WNK2: variants seen among roughly 807,000 people sequenced by gnomAD.
The protein encoded by WNK2 is WNK lysine deficient protein kinase 2.
In WNK2, 67 loss-of-function variants were observed where a neutral mutation model predicts 192.1. The ratio of observed to expected loss-of-function variants is 0.35; its 90% CI spans 0.29 to 0.43. The LOEUF is 0.43. WNK2 is among the 20% of genes least tolerant of loss of function. The pLI is 1.00. For missense variants in WNK2, 2,698 were observed against 3,089.7 expected (o/e 0.87, Z 3.01); for synonymous variants, 1,439 against 1,393.9 (o/e 1.03, Z -0.72).
chr9:93,300,235 A>G, intron 26 of WNK2, 86 bp downstream of exon 26: 2 of 1,026,720 alleles, frequency 1.9e-6, no homozygotes, highest in South Asian at 2.7e-5. Flanking sequence ...TACCTTTCAT[A>G]CATTTCATAG....
At chr9:93,305,722 C>T (rs912772534) in intron 26 of WNK2, among the ~76,000 whole-genome samples, 3 of 152,224 alleles carry the variant, frequency 2.0e-5, no homozygotes, top group Admixed American at 6.5e-5. Flanking sequence ...GGAAGGCAGA[C>T]GTTGCCAGGT....
chr9:93,259,861 C>T lies in WNK2; in HGVS notation c.3066+247C>T, dbSNP rs1199239700. 1.3e-5 allele frequency among the ~76,000 whole-genome samples: 2 copies of T among 152,362 alleles called. No individual in the cohort carries two copies. Among genetic ancestry groups the T allele is most frequent in the Admixed American group, 6.5e-5 (1 of 15,310 alleles). ...TGCCTGATAGGTTCTGTGTCCCTAC[C>T]TTCCCATGGCTCTGTGGCCCCTGCT... On this transcript the variant is annotated intron_variant, in intron 12 of 29. Transcript: ENST00000427277. The surrounding 1 kb of genome is among the most constrained non-coding windows in gnomAD (Gnocchi z 4.8).
intron 28 of WNK2, chr9:93,309,162 TC>T (rs1853183265): frequency 3.1e-6 from 3 of 980,038 alleles, no homozygotes; most frequent in East Asian, 1.1e-4. Flanking sequence ...GTTATTTCTA[TC>T]TCAAATATTT....
At chr9:93,312,912 T>G (rs1228438346) in intron 28 of WNK2, among the ~76,000 whole-genome samples, 2 of 152,216 alleles carry the variant, frequency 1.3e-5, no homozygotes, top group Admixed American at 6.5e-5. Flanking sequence ...CCTCTGCTCC[T>G]CACAGGATCA....
intron 2 of WNK2, among the ~76,000 whole-genome samples, chr9:93,198,181 A>G (rs1293154230): frequency 6.6e-6 from 1 of 152,194 alleles, no homozygotes; most frequent in African/African-American, 2.4e-5. Flanking sequence ...GGTGGACTGC[A>G]GGCTCCGGTG....
At position 93,259,658 on chromosome 9, in the gene WNK2, G is replaced by C. The variant is rs768518415; in HGVS notation, c.3066+44G>C. 12 of 1,460,598 alleles carry C rather than the reference G, an allele frequency of 8.2e-6. No homozygotes were observed. The highest frequency in any genetic ancestry group is 1.1e-5 in the Non-Finnish European group (12 of 1,104,324). The allele number at this position is 1,460,598 out of a possible 1,614,324, so 90.5% of individuals were successfully genotyped here. On this transcript the variant is annotated intron_variant, in intron 12 of 29. Transcript: ENST00000427277. This position sits in a 1 kb window ranked among gnomAD's most constrained non-coding sequence, Gnocchi z 4.8. ...GGGGCTCACCCTCCCAGCGTCTGGG[G>C]ACCCTCAGGACCCAGAGATGCAAAG... is the stretch of plus-strand genomic sequence containing the variant.
At chr9:93,291,592 C>G (rs1480156569) in intron 21 of WNK2, among the ~76,000 whole-genome samples, 1 of 152,166 alleles carries the variant, frequency 6.6e-6, no homozygotes, top group African/African-American at 2.4e-5. Context: ...GGTGTTGTTC[C>G]CTTGTGAGTT....
intron 29 of WNK2, chr9:93,318,032 C>T: frequency 6.2e-7 from 1 of 1,612,638 alleles, no homozygotes; most frequent in African/African-American, 1.3e-5. Context: ...TCCTAGGTTC[C>T]TGTGGTCCAC....
intron 2 of WNK2, among the ~76,000 whole-genome samples, chr9:93,194,375 C>T (rs1346458521): frequency 1.3e-5 from 2 of 151,980 alleles, no homozygotes; most frequent in African/African-American, 2.4e-5. Flanking sequence ...AATAAGAAAA[C>T]AATCAGCTAA....
chr9:93,232,575 C>T (rs1430286945), intron 4 of WNK2, among the ~76,000 whole-genome samples: 1 of 152,196 alleles, frequency 6.6e-6, no homozygotes, highest in Non-Finnish European at 1.5e-5. Flanking sequence ...ATCTCCTACT[C>T]AGGAGTGAAC....
Position 93,256,407 on chromosome 9 carries a change from A to C in WNK2, c.2143A>C (p.Thr715Pro), listed in dbSNP as rs2132755948. 6.5e-7 allele frequency: 1 copy of C among 1,544,342 alleles called. No individual in the cohort carries two copies. Among genetic ancestry groups the C allele is most frequent in the East Asian group, 2.4e-5 (1 of 41,208 alleles). The change falls in exon 10 of 30, where the codon ACC becomes CCC. Residue 715 changes from threonine (T) to proline (P), a missense_variant. Around this residue, in one of 7 missense-constraint regions of WNK2, gnomAD observed 893 missense variants for 909.0 expected, o/e 0.98. Coordinates refer to ENST00000427277, the MANE Select transcript of WNK2 (RefSeq NM_006648.4). The part of the protein sequence containing the change: ...SFAPVLPPPS[T>P]PMPTGPGQPA... ...CGCCCCCGTGCTGCCGCCGCCCAGC[A>C]CCCCCATGCCCACGGGCCCAGGCCA...
chr9:93,308,262 C>A, intron 27 of WNK2, 66 bp from the exon 28 acceptor site: 1 of 1,507,198 alleles, frequency 6.6e-7, no homozygotes, highest in Non-Finnish European at 8.9e-7. Context: ...ATGAATGCGG[C>A]CAGCCCACTG....
chr9:93,302,031 C>G (rs111524087), intron 26 of WNK2, among the ~76,000 whole-genome samples: 79 of 152,348 alleles, frequency 5.2e-4, no homozygotes, highest in African/African-American at 1.7e-3. Context: ...TGGGATGTGG[C>G]TGGGACTGGC....
intron 5 of WNK2, among the ~76,000 whole-genome samples, chr9:93,235,407 T>C (rs1425904365): frequency 1.3e-5 from 2 of 152,244 alleles, no homozygotes; most frequent in African/African-American, 4.8e-5. Context: ...TGATTTCTTT[T>C]TCAGCTAAAC....
chr9:93,258,999 C>T lies in WNK2; in HGVS notation c.2451C>T (p.Leu817=), dbSNP rs770693021. ...GAATCGACGGCCTCCCTCCGGCCCT[C>T]CCAGACCTGCCGACCGCGACTGTGC... ...LAGIDGLPPA[L]PDLPTATVPP... The change falls in exon 12 of 30, where the codon CTC becomes CTT. Residue 817 remains leucine, a synonymous_variant. Coordinates refer to ENST00000427277, the MANE Select transcript of WNK2 (RefSeq NM_006648.4). 1 of 1,612,852 alleles carries T rather than the reference C, an allele frequency of 6.2e-7. No homozygotes were observed. The highest frequency in any genetic ancestry group is 8.5e-7 in the Non-Finnish European group (1 of 1,179,824).
At chr9:93,252,783 C>A in intron 8 of WNK2, 100 bp from the exon 9 acceptor site, 1 of 1,132,720 alleles carries the variant, frequency 8.8e-7, no homozygotes, top group Non-Finnish European at 1.2e-6. Flanking sequence ...TCTGGAGAAA[C>A]AAGCCTTTAT....
intron 19 of WNK2, among the ~76,000 whole-genome samples, chr9:93,270,512 C>A (rs1027462124): frequency 1.1e-4 from 16 of 152,196 alleles, no homozygotes; most frequent in South Asian, 2.1e-4. Flanking sequence ...ATTGGGGATG[C>A]ACCCCAGAAT....
At chr9:93,241,928 C>T (rs1840842075) in intron 7 of WNK2, among the ~76,000 whole-genome samples, 1 of 152,192 alleles carries the variant, frequency 6.6e-6, no homozygotes, top group South Asian at 2.1e-4. Flanking sequence ...GGCTGTGTGG[C>T]TGAGGACTTT....
intron 19 of WNK2, among the ~76,000 whole-genome samples, chr9:93,277,976 G>T (rs1265763708): frequency 1.3e-5 from 2 of 152,130 alleles, no homozygotes; most frequent in Non-Finnish European, 2.9e-5. Flanking sequence ...TTTAGGCCAA[G>T]ATGGAATAAT....
Sources: gnomAD v4.1 joint callset for allele counts (sites outside exome capture counted in the v4.1 genomes callset) on GRCh38, gnomAD v4.1.1 for gene constraint, gnomAD v4.1.1 regional missense constraint, Gnocchi (gnomAD v3.1) non-coding constraint, MANE v1.5 for transcripts, NCBI Gene and HGNC (gene_info 2026-07-23, HGNC 2026-07-21) for gene names.